IQCK: variants seen among roughly 807,000 people sequenced by gnomAD.
The protein encoded by IQCK is IQ motif containing K, also known as IQ domain-containing protein K.
A neutral mutation model predicts 28.1 loss-of-function variants in IQCK; 29 were observed. The observed-to-expected ratio is 1.03, with a 90% CI of 0.77 to 1.41. The LOEUF (loss-of-function observed/expected upper bound fraction) is 1.41, where lower values mean the gene tolerates loss of function less well. IQCK is among the 40% of genes most tolerant of loss of function. The probability of loss-of-function intolerance (pLI) is 0.00; values close to 1 mark genes in which losing one functional copy is unlikely to be tolerated. For synonymous variants in IQCK, 113 were observed against 115.1 expected, an observed-to-expected ratio of 0.98 and a Z score of 0.12; for missense variants, 359 against 314.7, an observed-to-expected ratio of 1.14 and a Z score of -1.07.
intron 7 of IQCK, among the ~76,000 whole-genome samples, chr16:19,796,900 G>A (rs2055696160): frequency 9.3e-6 from 1 of 106,966 alleles, no homozygotes; most frequent in Non-Finnish European, 1.6e-5. Flanking sequence ...CCAATATGGT[G>A]AAACCCCATC....
chr16:19,718,827 G>A (rs943262770), intron 1 of IQCK, among the ~76,000 whole-genome samples: 5 of 152,238 alleles, frequency 3.3e-5, no homozygotes, highest in Non-Finnish European at 7.3e-5. Flanking sequence ...CCGGGGTGGG[G>A]ATCTTGTTAT....
downstream of IQCK, among the ~76,000 whole-genome samples, chr16:19,829,372 T>C (rs1481002350): frequency 6.6e-6 from 1 of 151,526 alleles, no homozygotes; most frequent in African/African-American, 2.4e-5. Flanking sequence ...AGTCTCGCTC[T>C]GTCACCCAGG....
chr16:19,853,773 G>A (rs1439550954), intron 9 of IQCK, among the ~76,000 whole-genome samples: 1 of 152,152 alleles, frequency 6.6e-6, no homozygotes, highest in East Asian at 1.9e-4. Flanking sequence ...GGATTAACAG[G>A]CGCCTGCCAC....
intron 4 of IQCK, among the ~76,000 whole-genome samples, chr16:19,757,427 C>A (rs1165233594): frequency 1.3e-5 from 2 of 152,318 alleles, no homozygotes; most frequent in African/African-American, 4.8e-5. Context: ...AATCCCAGCA[C>A]TTTGGGAGGC....
intron 7 of IQCK, among the ~76,000 whole-genome samples, chr16:19,818,584 C>T (rs1720656121): frequency 6.6e-6 from 1 of 152,014 alleles, no homozygotes; most frequent in African/African-American, 2.4e-5. Flanking sequence ...GTAGGGATGA[C>T]GTTTCACCAT....
At chr16:19,775,196 C>T (rs2055373646) in intron 6 of IQCK, among the ~76,000 whole-genome samples, 2 of 147,188 alleles carry the variant, frequency 1.4e-5, no homozygotes, top group Admixed American at 1.4e-4. Flanking sequence ...CACTGTACTG[C>T]AGCCTGGGCG....
At chr16:19,827,108 A>C in exon 8 of IQCK, 3 of 1,613,970 alleles carry the variant, frequency 1.9e-6, no homozygotes, top group Non-Finnish European at 1.7e-6. Context: ...CAGCAAGTCA[A>C]AATTTTCTGG....
intron 9 of IQCK, among the ~76,000 whole-genome samples, chr16:19,836,465 A>T (rs1369026216): frequency 6.6e-6 from 1 of 152,236 alleles, no homozygotes; most frequent in Non-Finnish European, 1.5e-5. Context: ...TTCTGAGATT[A>T]AAAAATAAAA....
intron 9 of IQCK, among the ~76,000 whole-genome samples, chr16:19,840,802 A>G (rs1172671012): frequency 6.6e-6 from 1 of 152,258 alleles, no homozygotes; most frequent in Non-Finnish European, 1.5e-5. Context: ...GCTGCAATGC[A>G]CAGATGTTAT....
chr16:19,804,051 A>C (rs2055800209), intron 7 of IQCK, among the ~76,000 whole-genome samples: 1 of 152,182 alleles, frequency 6.6e-6, no homozygotes, highest in East Asian at 1.9e-4. Flanking sequence ...TCCTATTTGA[A>C]AAGTACTGGA....
At chr16:19,731,292 G>A (rs1977828008) in intron 2 of IQCK, among the ~76,000 whole-genome samples, 1 of 152,180 alleles carries the variant, frequency 6.6e-6, no homozygotes, top group African/African-American at 2.4e-5. Context: ...GAGCTTAACG[G>A]AGTTTAAAAT....
chr16:19,813,778 CAAT>C (rs1172936819), intron 7 of IQCK, among the ~76,000 whole-genome samples: 1 of 151,936 alleles, frequency 6.6e-6, no homozygotes, highest in African/African-American at 2.4e-5. Flanking sequence ...TACTAGATAA[CAAT>C]AATATAAAAG....
chr16:19,842,967 C>T (rs1244119063), intron 9 of IQCK, among the ~76,000 whole-genome samples: 1 of 152,078 alleles, frequency 6.6e-6, no homozygotes, highest in African/African-American at 2.4e-5. Flanking sequence ...GGGGAGTTGT[C>T]ATTAGAGCAT....
chr16:19,786,134 C>T (rs1278500555), intron 6 of IQCK, among the ~76,000 whole-genome samples: 1 of 152,184 alleles, frequency 6.6e-6, no homozygotes, highest in Non-Finnish European at 1.5e-5. Flanking sequence ...ACACCAAGGT[C>T]TCTCTAGAAG....
chr16:19,818,346 T>TTGTG (rs373750645), intron 7 of IQCK, among the ~76,000 whole-genome samples: 13 of 150,532 alleles, frequency 8.6e-5, no homozygotes, highest in African/African-American at 1.2e-4. Flanking sequence ...ACACACTACT[T>TTGTG]TGTGTGTGTG....
chr16:19,839,006 G>A (rs1475488738), intron 9 of IQCK, among the ~76,000 whole-genome samples: 2 of 107,588 alleles, frequency 1.9e-5, no homozygotes, highest in African/African-American at 7.2e-5. Context: ...GCCACAGAGT[G>A]AGACTCCATA....
intron 4 of IQCK, among the ~76,000 whole-genome samples, chr16:19,748,599 A>C (rs772617295): frequency 6.6e-6 from 1 of 152,148 alleles, no homozygotes; most frequent in Non-Finnish European, 1.5e-5. Context: ...TTTCTCTTGG[A>C]AAAGAGCCAA....
chr16:19,855,629 C>G (rs577808286), intron 9 of IQCK, among the ~76,000 whole-genome samples: 2 of 152,176 alleles, frequency 1.3e-5, no homozygotes, highest in Non-Finnish European at 2.9e-5. Flanking sequence ...ATACCCACCT[C>G]TTTGCCGCAT....
At chr16:19,838,260 G>A (rs2141107489) in intron 9 of IQCK, among the ~76,000 whole-genome samples, 1 of 152,352 alleles carries the variant, frequency 6.6e-6, no homozygotes. Flanking sequence ...GGAAAGCGAG[G>A]TGGGATCACT....
Sources: gnomAD v4.1 joint callset for allele counts (sites outside exome capture counted in the v4.1 genomes callset) on GRCh38, gnomAD v4.1.1 for gene constraint, MANE v1.5 for transcripts, NCBI Gene and HGNC (gene_info 2026-07-23, HGNC 2026-07-21) for gene names.